The following PLXNB1 variants were observed in gnomAD, a reference collection of about 807,000 sequenced individuals.
PLXNB1 encodes plexin B1, also known as plexin-B1.
A neutral mutation model predicts 209.4 loss-of-function variants in PLXNB1; 106 were observed. The observed-to-expected ratio is 0.51, with a 90% CI of 0.43 to 0.59. The LOEUF is 0.59. Ranked by LOEUF, PLXNB1 falls within the 20% of genes least tolerant of loss-of-function variation. The pLI is 0.00. For synonymous variants in PLXNB1, 1,167 were observed against 1,183.2 expected (o/e 0.99, Z 0.28); for missense variants, 2,357 against 2,853.2 (o/e 0.83, Z 3.96).
chr3:48,404,665 T>A (rs1349729303), intron 37 of PLXNB1, 75 bp from the exon 38 acceptor site: 1 of 955,530 alleles, frequency 1.0e-6, no homozygotes, highest in African/African-American at 1.6e-5. Context: ...ACAGCCCTCC[T>A]AAGACGCTGT....
rs777608061 is a variant in PLXNB1, at chr3:48,416,455, T to C, written c.3375-4A>G. ...GGCCCCGGTGATGCACACGAGGCTG[T>C]AGGCACAGGGCAGGCTAGGGGGTGC... On this transcript the variant is annotated splice_region_variant and splice_polypyrimidine_tract_variant and intron_variant, in intron 16 of 37. Transcript: ENST00000296440. The surrounding 1 kb of genome is among the most constrained non-coding windows in gnomAD (Gnocchi z 4.1). 6 of 1,608,132 alleles carry C rather than the reference T, an allele frequency of 3.7e-6. No homozygotes were observed. Among genetic ancestry groups the C allele is most frequent in the South Asian group, 3.3e-5 (3 of 90,736 alleles).
chr3:48,404,630 G>T, intron 37 of PLXNB1, 40 bp from the exon 38 acceptor site: 1 of 1,420,752 alleles, frequency 7.0e-7, no homozygotes, highest in Non-Finnish European at 9.8e-7. Flanking sequence ...GACTTCTTTG[G>T]CCAACGTGTT....
At chr3:48,420,503 G>A (rs922537441) in intron 10 of PLXNB1, among the ~76,000 whole-genome samples, 162 bp downstream of exon 10, 5 of 152,156 alleles carry the variant, frequency 3.3e-5, no homozygotes, top group African/African-American at 7.2e-5. Context: ...CAAAACAGGC[G>A]GGATGTATCG....
At position 48,419,734 on chromosome 3, in the gene PLXNB1, T is replaced by C. The variant is rs749160178; in HGVS notation, c.2552A>G (p.Glu851Gly). 2.8e-5 allele frequency: 45 copies of C among 1,610,516 alleles called. No individual in the cohort carries two copies. The South Asian group carries it at 5.0e-4, about 18-fold the overall frequency. The change falls in exon 11 of 38, where the codon GAG becomes GGG. Residue 851 changes from glutamate to glycine, a missense_variant. Glu to Gly is a moderately conservative substitution (Grantham distance 98). This residue lies in a region of PLXNB1 where 410 missense variants were observed against 401.0 expected (regional missense o/e 1.02). Coordinates refer to ENST00000296440, the MANE Select transcript of PLXNB1 (RefSeq NM_001130082.3). The surrounding 1 kb of genome is among the most constrained non-coding windows in gnomAD (Gnocchi z 5.7). ...GTCACCCCCCGTCCACTCGTCCGCC[T>C]CGGGCAGCTCGCCGCCTTCTCTCGT... ...WLTREGGELP[E>G]ADEWTGGDAP...
At position 48,417,880 on chromosome 3, in the gene PLXNB1, G is replaced by A. The variant is rs554240618; in HGVS notation, c.3374+31C>T. On this transcript the variant is annotated intron_variant, in intron 16 of 37. Coordinates refer to ENST00000296440, the MANE Select transcript of PLXNB1 (RefSeq NM_001130082.3). This position sits in a 1 kb window ranked among gnomAD's most constrained non-coding sequence, Gnocchi z 4.4. ...GCCAACCGCGGAGGCCCCAGGCTGC[G>A]CCGTGCTCCTGCTGGGTGCAGCCAG... 180 of 1,588,868 alleles carry A rather than the reference G, an allele frequency of 1.1e-4. No homozygotes were observed. The East Asian group carries it at 1.3e-3, about 12-fold the overall frequency.
rs988103108 is a variant in PLXNB1, at chr3:48,418,767, G to T, written c.2955+150C>A. ...ATGCAAGGACTCCACGGGGCACATG[G>T]TCAGAGGTCAGAAATGGGTGTGGAG... On this transcript the variant is annotated intron_variant, in intron 13 of 37. Transcript: ENST00000296440. The surrounding 1 kb of genome is among the most constrained non-coding windows in gnomAD (Gnocchi z 6.6). 6 of 1,054,270 alleles carry T rather than the reference G, an allele frequency of 5.7e-6. No homozygotes were observed. The South Asian group carries it at 5.8e-5, about 10-fold the overall frequency. 65.3% of individuals were successfully genotyped at this position (1,054,270 alleles called of 1,614,324 possible). A position where few individuals can be genotyped will look rare whatever the true frequency, so the allele number is the denominator to read the frequency against.
Position 48,423,875 on chromosome 3 carries a change from G to T in PLXNB1, c.737C>A (p.Ala246Asp). The stretch of plus-strand genomic sequence containing the variant: ...CCGGAGACACACTCGAGATACATAG[G>T]CACGAAAAGCTCTAGACTGAGCCTG... ...DLQAQSRAFR[A>D]YVSRVCLRDQ... The change falls in exon 3 of 38, where the codon GCC becomes GAC. Residue 246 changes from alanine to aspartate, a missense_variant. Physicochemically the swap from Ala to Asp is moderately radical, Grantham distance 126. Transcript: ENST00000296440. 1 of 1,614,060 alleles carries T rather than the reference G, an allele frequency of 6.2e-7. No homozygotes were observed.
Position 48,419,523 on chromosome 3 carries a change from A to G in PLXNB1, c.2709+54T>C. Reference sequence around the variant, plus strand: ...CAGAATCACAAGGCAAGCTAGGGGTAGCATCTTCCCCACATCCCCTCCCCT... The same window carrying G: ...CAGAATCACAAGGCAAGCTAGGGGTGGCATCTTCCCCACATCCCCTCCCCT... On this transcript the variant is annotated intron_variant, in intron 11 of 37. Coordinates refer to ENST00000296440, the MANE Select transcript of PLXNB1 (RefSeq NM_001130082.3). This position sits in a 1 kb window ranked among gnomAD's most constrained non-coding sequence, Gnocchi z 5.7. The G allele has an allele frequency of 6.5e-7, 1 of 1,541,306 alleles. No homozygotes were observed. The highest frequency in any genetic ancestry group is 2.3e-5 in the East Asian group (1 of 43,940).
rs1300035001 is a variant in PLXNB1, at chr3:48,410,132, C to T, written c.5606-55G>A. 21 of 1,524,462 alleles carry T rather than the reference C, an allele frequency of 1.4e-5. No homozygotes were observed. The East Asian group carries it at 4.6e-4, about 33-fold the overall frequency. 94.4% of individuals were successfully genotyped at this position (1,524,462 alleles called of 1,614,324 possible). ...TCCCCAGGTGCCACCTCCCCAGGCC[C>T]CCTGTTTCTTGCCAGCTCTCCCAGG... On this transcript the variant is annotated intron_variant, in intron 31 of 37. Coordinates refer to ENST00000296440, the MANE Select transcript of PLXNB1 (RefSeq NM_001130082.3). The surrounding 1 kb of genome is among the most constrained non-coding windows in gnomAD (Gnocchi z 6.4).
At position 48,410,581 on chromosome 3, in the gene PLXNB1, G is replaced by C; in HGVS notation, c.5417-23C>G. On this transcript the variant is annotated intron_variant, in intron 29 of 37. Coordinates refer to ENST00000296440, the MANE Select transcript of PLXNB1 (RefSeq NM_001130082.3). The surrounding 1 kb of genome is among the most constrained non-coding windows in gnomAD (Gnocchi z 6.4). ...ACTCTGCAAGGGCAAGGCAGAACTG[G>C]GTGCAGGGCTGGAAGATACCCTTCC... is the stretch of plus-strand genomic sequence containing the variant. 2.5e-6 allele frequency: 4 copies of C among 1,589,964 alleles called. No homozygotes were observed. Among genetic ancestry groups the C allele is most frequent in the Non-Finnish European group, 3.5e-6 (4 of 1,159,130 alleles).
In PLXNB1 at chr3:48,415,475, A is replaced by G; in HGVS notation, c.3794+108T>C. On this transcript the variant is annotated intron_variant, in intron 19 of 37. Transcript: ENST00000296440. This position sits in a 1 kb window ranked among gnomAD's most constrained non-coding sequence, Gnocchi z 5.0. ...CACACGACCCCTTGCCCCTACTAGC[A>G]GCATGGGATTCTCAGTGCCTCAACA... 1.4e-6 allele frequency: 2 copies of G among 1,408,068 alleles called. No homozygotes were observed. Among genetic ancestry groups the G allele is most frequent in the Non-Finnish European group, 1.9e-6 (2 of 1,033,026 alleles). 87.2% of individuals were successfully genotyped at this position (1,408,068 alleles called of 1,614,324 possible).
rs757310920 is a variant in PLXNB1 at position 48,409,513 on chromosome 3, G to A, written c.5940-37C>T. On this transcript the variant is annotated intron_variant, in intron 33 of 37. Transcript: ENST00000296440. This position sits in a 1 kb window ranked among gnomAD's most constrained non-coding sequence, Gnocchi z 5.8. ...GCAGGCATGGCCGATGAATGTGCTG[G>A]GGAGGCAGAAGAGAAGACCCCCCAC... The A allele has an allele frequency of 3.7e-6, 6 of 1,614,052 alleles. No individual in the cohort carries two copies. The highest frequency in any genetic ancestry group is 4.2e-6 in the Non-Finnish European group (5 of 1,179,968).
In PLXNB1 at chr3:48,416,076, C is replaced by A. The variant is rs778946922; in HGVS notation, c.3572G>T (p.Arg1191Leu). ...AACCACCACTCGGATGTCCTCCAGCCGCCCAGTCAGGAGCTTGGAGCCATT... is the reference window on the plus strand; with the variant it reads ...AACCACCACTCGGATGTCCTCCAGCAGCCCAGTCAGGAGCTTGGAGCCATT... ...TLNGSKLLTG[R>L]LEDIRVVVGD... Residue 1191 changes from arginine to leucine, a missense_variant, in exon 18 of 38, where the codon CGG becomes CTG. This residue lies in a region of PLXNB1 where 743 missense variants were observed against 896.2 expected (regional missense o/e 0.83). Coordinates refer to ENST00000296440, the MANE Select transcript of PLXNB1 (RefSeq NM_001130082.3). The surrounding 1 kb of genome is among the most constrained non-coding windows in gnomAD (Gnocchi z 4.1). 1.2e-6 allele frequency: 2 copies of A among 1,601,966 alleles called. No individual in the cohort carries two copies. Among genetic ancestry groups the A allele is most frequent in the South Asian group, 1.1e-5 (1 of 88,942 alleles).
At position 48,424,605 on chromosome 3, in the gene PLXNB1, C is replaced by G. The variant is rs2038784423; in HGVS notation, c.7G>C (p.Ala3Pro). The part of the protein sequence containing the change: MP[A>P]LGPALLQALW... The stretch of plus-strand genomic sequence containing the variant: ...GCCTGGAGAAGAGCTGGGCCCAGAG[C>G]AGGCATGGTCACCTGGCAGGAAGAG... The change falls in exon 3 of 38, where the codon GCT becomes CCT. Residue 3 changes from alanine to proline, a missense_variant. By Grantham distance (27) the Ala-to-Pro change is conservative. This residue lies in a region of PLXNB1 where 107 missense variants were observed against 167.2 expected (regional missense o/e 0.64). Transcript: ENST00000296440. 1 of 1,537,396 alleles carries G rather than the reference C, an allele frequency of 6.5e-7. No individual in the cohort carries two copies. Among genetic ancestry groups the G allele is most frequent in the African/African-American group, 1.4e-5 (1 of 73,132 alleles).
intron 1 of PLXNB1, among the ~76,000 whole-genome samples, chr3:48,427,675 G>A (rs868122090): frequency 6.6e-6 from 1 of 152,040 alleles, no homozygotes; most frequent in African/African-American, 2.4e-5. Flanking sequence ...AGCCTGAACT[G>A]CAGGCTGCTT....
At position 48,418,334 on chromosome 3, in the gene PLXNB1, C is replaced by G; in HGVS notation, c.3079G>C (p.Gly1027Arg). Residue 1027 changes from glycine (G) to arginine (R), a missense_variant, in exon 15 of 38, where the codon GGA (glycine) becomes CGA (arginine). By Grantham distance (125) the Gly-to-Arg change is moderately radical. Transcript: ENST00000296440. The surrounding 1 kb of genome is among the most constrained non-coding windows in gnomAD (Gnocchi z 6.6). ...VVLYDCSVGH[G>R]DCSRCQTAMP... ...GCAGTTTGGCAGCGGCTGCAGTCTC[C>G]ATGTCCCACGGAACAGTCATACAGT... 1 of 1,613,718 alleles carries G rather than the reference C, an allele frequency of 6.2e-7. No homozygotes were observed. The highest frequency in any genetic ancestry group is 1.3e-5 in the African/African-American group (1 of 75,070).
rs2037522058 is a variant in PLXNB1, at chr3:48,409,506, T to C, written c.5940-30A>G. ...GGGTGGGGCAGGCATGGCCGATGAA[T>C]GTGCTGGGGAGGCAGAAGAGAAGAC... is the stretch of plus-strand genomic sequence containing the variant. On this transcript the variant is annotated intron_variant, in intron 33 of 37. Coordinates refer to ENST00000296440, the MANE Select transcript of PLXNB1 (RefSeq NM_001130082.3). This position sits in a 1 kb window ranked among gnomAD's most constrained non-coding sequence, Gnocchi z 5.8. The C allele has an allele frequency of 1.2e-6, 2 of 1,614,036 alleles. No homozygotes were observed. Among genetic ancestry groups the C allele is most frequent in the Non-Finnish European group, 1.7e-6 (2 of 1,179,976 alleles).
Position 48,413,547 on chromosome 3 carries a change from G to C in PLXNB1, c.4535+123C>G. ...ACAGAGACCACTTGGCCTGCAAAGC[G>C]AAAATATTTACTCTCTGGCCATTTA... is the stretch of plus-strand genomic sequence containing the variant. On this transcript the variant is annotated intron_variant, in intron 23 of 37. Transcript: ENST00000296440. The surrounding 1 kb of genome is among the most constrained non-coding windows in gnomAD (Gnocchi z 5.4). 1 of 1,124,282 alleles carries C rather than the reference G, an allele frequency of 8.9e-7. No individual in the cohort carries two copies. The highest frequency in any genetic ancestry group is 2.9e-5 in the Admixed American group (1 of 34,022). 69.6% of individuals were successfully genotyped at this position (1,124,282 alleles called of 1,614,324 possible). A position where few individuals can be genotyped will look rare whatever the true frequency, so the allele number is the denominator to read the frequency against.
chr3:48,408,500 C>T (rs184815439), intron 34 of PLXNB1, among the ~76,000 whole-genome samples: 314 of 152,226 alleles, frequency 2.1e-3, no homozygotes, highest in Non-Finnish European at 3.4e-3. Flanking sequence ...TCGGCTTTGA[C>T]TGCTATGACA....
Sources: gnomAD v4.1 joint callset for allele counts (sites outside exome capture counted in the v4.1 genomes callset) on GRCh38, gnomAD v4.1.1 for gene constraint, gnomAD v4.1.1 regional missense constraint, Gnocchi (gnomAD v3.1) non-coding constraint, MANE v1.5 for transcripts, NCBI Gene and HGNC (gene_info 2026-07-23, HGNC 2026-07-21) for gene names.